USP8: variants seen among roughly 807,000 people sequenced by gnomAD.
USP8 encodes the protein ubiquitin specific peptidase 8, also known as ubiquitin carboxyl-terminal hydrolase 8.
In USP8, 27 loss-of-function variants were observed where a neutral mutation model predicts 130.0. The ratio of observed to expected loss-of-function variants is 0.21; its 90% CI spans 0.15 to 0.29. USP8 has a LOEUF of 0.29. Among genes scored for constraint, USP8 ranks in the 10% least tolerant of loss-of-function variants. USP8 has a pLI of 1.00. For missense variants in USP8, 1,029 were observed against 1,312.2 expected (o/e 0.78, Z 3.33); for synonymous variants, 392 against 444.1 (o/e 0.88, Z 1.48).
At chr15:50,435,361 C>A (rs932018023) in intron 1 of USP8, among the ~76,000 whole-genome samples, 3 of 152,130 alleles carry the variant, frequency 2.0e-5, no homozygotes, top group African/African-American at 7.2e-5. Context: ...AATGTAACAA[C>A]TGTTTATATA....
At position 50,465,203 on chromosome 15, in the gene USP8, T is replaced by A; in HGVS notation, c.686+12T>A. Reference sequence around the variant, plus strand: ...GCCATCAGTCCAGGGTGGGTTATTGTGTAGTAAAGTAGTAAACTGTGTAGT... The same window carrying A: ...GCCATCAGTCCAGGGTGGGTTATTGAGTAGTAAAGTAGTAAACTGTGTAGT... On this transcript the variant is annotated intron_variant, in intron 7 of 19. Transcript: ENST00000307179. 6.2e-7 allele frequency: 1 copy of A among 1,611,366 alleles called. No individual in the cohort carries two copies. Among genetic ancestry groups the A allele is most frequent in the Non-Finnish European group, 8.5e-7 (1 of 1,178,802 alleles).
In USP8 at chr15:50,499,639, G is replaced by T. The variant is rs2052541480; in HGVS notation, c.*551G>T. 2 of 151,730 alleles carry T rather than the reference G, an allele frequency of 1.3e-5. No homozygotes were observed. The highest frequency in any genetic ancestry group is 1.3e-4 in the Admixed American group (2 of 15,236). 9.4% of individuals were successfully genotyped at this position (151,730 alleles called of 1,614,324 possible). On this transcript the variant is annotated 3_prime_UTR_variant, in exon 20 of 20. Coordinates refer to ENST00000307179, the MANE Select transcript of USP8 (RefSeq NM_005154.5). Reference sequence around the variant, plus strand: ...CAGTGCTTTCTTAGGGAAATGACAGGGCAAAGCAATTTTTCTGTTGGCTTT... The same window carrying T: ...CAGTGCTTTCTTAGGGAAATGACAGTGCAAAGCAATTTTTCTGTTGGCTTT...
chr15:50,463,723 G>A (rs1053336894), intron 6 of USP8, among the ~76,000 whole-genome samples: 1 of 152,144 alleles, frequency 6.6e-6, no homozygotes, highest in Non-Finnish European at 1.5e-5. Context: ...ATGGAAGGAG[G>A]ACGATTGTTA....
intron 14 of USP8, among the ~76,000 whole-genome samples, chr15:50,491,115 C>G (rs769421771): frequency 6.6e-6 from 1 of 152,124 alleles, no homozygotes; most frequent in African/African-American, 2.4e-5. Context: ...TTTTGGAATC[C>G]TCTTAGCTTA....
Position 50,441,503 on chromosome 15 carries a change from A to C in USP8, c.249+10A>C. The C allele has an allele frequency of 6.5e-7, 1 of 1,543,668 alleles. No individual in the cohort carries two copies. Among genetic ancestry groups the C allele is most frequent in the Non-Finnish European group, 8.7e-7 (1 of 1,153,766 alleles). ...TTTCAAGCAACAGCAGGTACCTTTT[A>C]TTTTTGCATTGTTATTTCCTAAGTT... On this transcript the variant is annotated intron_variant, in intron 3 of 19. Transcript: ENST00000307179.
rs138738051 is a variant in USP8, at chr15:50,452,054, C to T, written c.335+2569C>T. ...GTGGCCGCATGGTCCCAGGTGCGGC[C>T]GCTATAGACATAGCCCCAGATTCTG... On this transcript the variant is annotated intron_variant, in intron 4 of 19. Transcript: ENST00000307179. Among the ~76,000 whole-genome samples, 41 of 152,108 alleles carry T rather than the reference C, an allele frequency of 2.7e-4. 1 individual carries two copies. The highest frequency in any genetic ancestry group is 9.4e-4 in the African/African-American group (39 of 41,484).
At chr15:50,477,133 G>A (rs2051593833) in intron 9 of USP8, 140 bp downstream of exon 9, 13 of 1,338,244 alleles carry the variant, frequency 9.7e-6, no homozygotes, top group Middle Eastern at 2.4e-4. Flanking sequence ...TATAAGCCTG[G>A]AAGTTCACAT....
Position 50,499,116 on chromosome 15 carries a change from T to C in USP8, c.*28T>C, listed in dbSNP as rs760128801. 5.2e-6 allele frequency: 8 copies of C among 1,549,218 alleles called. No individual in the cohort carries two copies. The highest frequency in any genetic ancestry group is 7.0e-6 in the Non-Finnish European group (8 of 1,148,782). On this transcript the variant is annotated 3_prime_UTR_variant, in exon 20 of 20. Transcript: ENST00000307179. Reference sequence around the variant, plus strand: ...AGACATAGGTTATAAACTAGTTATCTTTTAAAAGGCTCAGCAACACAACTC... The same window carrying C: ...AGACATAGGTTATAAACTAGTTATCCTTTAAAAGGCTCAGCAACACAACTC...
intron 7 of USP8, 25 bp downstream of exon 7, chr15:50,465,216 T>TA: frequency 6.2e-7 from 1 of 1,606,818 alleles, no homozygotes; most frequent in South Asian, 1.1e-5. Context: ...AGTAAAGTAG[T>TA]AAACTGTGTA....
intron 11 of USP8, 150 bp downstream of exon 11, chr15:50,482,215 C>G: frequency 1.5e-6 from 1 of 670,080 alleles, no homozygotes; most frequent in Admixed American, 4.0e-5. Context: ...ATTTGCTCAT[C>G]TATTCTCCTT....
At chr15:50,478,168 A>G (rs2051637097) in intron 10 of USP8, among the ~76,000 whole-genome samples, 1 of 152,224 alleles carries the variant, frequency 6.6e-6, no homozygotes, top group African/African-American at 2.4e-5. Context: ...TACATATGAT[A>G]GGTATGTGAT....
At position 50,503,142 on chromosome 15, in the gene USP8, G is replaced by C. The variant is rs555480548; in HGVS notation, c.*4054G>C. 1 of 152,262 alleles carries C rather than the reference G, an allele frequency of 6.6e-6. No individual in the cohort carries two copies. The highest frequency in any genetic ancestry group is 1.5e-5 in the Non-Finnish European group (1 of 68,060). 9.4% of individuals were successfully genotyped at this position (152,262 alleles called of 1,614,324 possible). Reference sequence around the variant, plus strand: ...GCAGGCGGATCACTTGAGGTCAGGAGTTTGAGACTAGCCTGGCCAACATGG... The same window carrying C: ...GCAGGCGGATCACTTGAGGTCAGGACTTTGAGACTAGCCTGGCCAACATGG... On this transcript the variant is annotated 3_prime_UTR_variant, in exon 20 of 20. Transcript: ENST00000307179.
chr15:50,481,470 T>A lies in USP8; in HGVS notation c.1219-11T>A. The A allele has an allele frequency of 6.6e-7, 1 of 1,516,710 alleles. No individual in the cohort carries two copies. 94.0% of individuals were successfully genotyped at this position (1,516,710 alleles called of 1,614,324 possible). A position where few individuals can be genotyped will look rare whatever the true frequency, so the allele number is the denominator to read the frequency against. ...TGACAAAAATGTTTTGCTCTGGTTT[T>A]GTTGCTCTAGATTGATCGTACTAAA... On this transcript the variant is annotated splice_polypyrimidine_tract_variant and intron_variant, in intron 10 of 19. Coordinates refer to ENST00000307179, the MANE Select transcript of USP8 (RefSeq NM_005154.5).
At chr15:50,497,977 T>C (rs1388936841) in intron 18 of USP8, among the ~76,000 whole-genome samples, 1 of 152,232 alleles carries the variant, frequency 6.6e-6, no homozygotes, top group Non-Finnish European at 1.5e-5. Flanking sequence ...TAAATTTTTC[T>C]AACAAAAGCT....
chr15:50,485,147 T>A (rs2051910651), intron 12 of USP8, among the ~76,000 whole-genome samples: 1 of 152,182 alleles, frequency 6.6e-6, no homozygotes, highest in Non-Finnish European at 1.5e-5. Flanking sequence ...TCATCACAAT[T>A]TTTTAAATAC....
At position 50,508,159 on chromosome 15, in the gene USP8, C is replaced by A. The variant is rs1021346688; in HGVS notation, c.*9071C>A. On this transcript the variant is annotated 3_prime_UTR_variant, in exon 20 of 20. Transcript: ENST00000307179. ...AATTAGCAGTCAATACAAAATGATA[C>A]CCCCACAAAAAATCAATACTTTTGG... 3.4e-5 allele frequency: 5 copies of A among 148,140 alleles called. No homozygotes were observed. Among genetic ancestry groups the A allele is most frequent in the African/African-American group, 5.0e-5 (2 of 40,118 alleles). 9.2% of individuals were successfully genotyped at this position (148,140 alleles called of 1,614,324 possible).
intron 4 of USP8, among the ~76,000 whole-genome samples, chr15:50,456,044 C>T (rs1252666978): frequency 2.0e-5 from 3 of 152,140 alleles, no homozygotes; most frequent in Non-Finnish European, 2.9e-5. Flanking sequence ...TTTTCCAATG[C>T]CTTCAGGTAG....
chr15:50,479,072 A>G (rs1401976044), intron 10 of USP8, among the ~76,000 whole-genome samples: 1 of 152,182 alleles, frequency 6.6e-6, no homozygotes, highest in African/African-American at 2.4e-5. Flanking sequence ...AAAAATAAAA[A>G]TAAGACAGCA....
intron 4 of USP8, among the ~76,000 whole-genome samples, chr15:50,454,590 G>A (rs1316836865): frequency 6.6e-6 from 1 of 151,382 alleles, no homozygotes; most frequent in East Asian, 1.9e-4. Context: ...CAAGTAGCTG[G>A]TACTACAGGT....
Sources: gnomAD v4.1 joint callset for allele counts (sites outside exome capture counted in the v4.1 genomes callset) on GRCh38, gnomAD v4.1.1 for gene constraint, MANE v1.5 for transcripts, NCBI Gene and HGNC (gene_info 2026-07-23, HGNC 2026-07-21) for gene names.